The following HAUS2 variants were observed in gnomAD, a reference collection of about 807,000 sequenced individuals.
HAUS2 encodes HAUS augmin-like complex subunit 2.
HAUS2 carries 20 observed loss-of-function variants against 21.6 expected under a neutral mutation model. The ratio of observed to expected loss-of-function variants is 0.93; its 90% confidence interval spans 0.65 to 1.35. HAUS2 has a LOEUF of 1.35. Ranked by LOEUF, HAUS2 falls within the 40% of genes most tolerant of loss-of-function variation. The pLI is 0.00. For synonymous variants in HAUS2, 113 were observed against 95.6 expected (o/e 1.18, Z -1.06); for missense variants, 297 against 280.7 (o/e 1.06, Z -0.42).
intron 1 of HAUS2, among the ~76,000 whole-genome samples, chr15:42,550,981 C>CT (rs1474424000): frequency 6.9e-6 from 1 of 144,860 alleles, no homozygotes; most frequent in African/African-American, 2.5e-5. Flanking sequence ...CCTGTATTTT[C>CT]TTTTTCTTTT....
At chr15:42,556,877 C>T (rs549246542) in intron 1 of HAUS2, among the ~76,000 whole-genome samples, 1 of 150,634 alleles carries the variant, frequency 6.6e-6, no homozygotes, top group African/African-American at 2.4e-5. Context: ...ATTAGCTGGG[C>T]ATGGTGGCAG....
intron 4 of HAUS2, 84 bp from the exon 5 acceptor site, chr15:42,563,665 T>G: frequency 1.3e-6 from 1 of 760,318 alleles, no homozygotes; most frequent in Non-Finnish European, 2.4e-6. Flanking sequence ...TATCTCAAAT[T>G]AAAAGTCCTG....
intron 5 of HAUS2, among the ~76,000 whole-genome samples, chr15:42,565,399 GTGTGTGTGTGTGTGT>G (rs2057896545): frequency 9.6e-6 from 1 of 103,978 alleles, no homozygotes; most frequent in African/African-American, 6.5e-5. Context: ...GTGTGTGTGT[GTGTGTGTGTGTGTGT>G]GTGTGTGTGT....
In HAUS2 at chr15:42,566,857, A is replaced by T. The variant is rs1243896705; in HGVS notation, c.*41A>T. The T allele has an allele frequency of 1.1e-6, 1 of 949,364 alleles. No homozygotes were observed. The highest frequency in any genetic ancestry group is 1.3e-5 in the South Asian group (1 of 74,426). 58.8% of individuals were successfully genotyped at this position (949,364 alleles called of 1,614,324 possible). A position where few individuals can be genotyped will look rare whatever the true frequency, so the allele number is the denominator to read the frequency against. On this transcript the variant is annotated 3_prime_UTR_variant, in exon 6 of 6. Coordinates refer to ENST00000260372, the MANE Select transcript of HAUS2 (RefSeq NM_018097.3). The stretch of plus-strand genomic sequence containing the variant: ...TTGCTTAATTATGTGTAGTCATATG[A>T]AGTCTATTTCTAGTTGACTGTAACA...
intron 4 of HAUS2, chr15:42,561,690 A>G (rs978204481): frequency 3.5e-6 from 1 of 289,030 alleles, no homozygotes; most frequent in African/African-American, 2.2e-5. Flanking sequence ...TGTGAAGTAA[A>G]TTCATTGTTG....
chr15:42,565,157 A>G (rs1179815136), intron 5 of HAUS2, among the ~76,000 whole-genome samples: 2 of 152,100 alleles, frequency 1.3e-5, no homozygotes, highest in African/African-American at 4.8e-5. Flanking sequence ...AATCTTAAGG[A>G]ATAAGTGAAA....
chr15:42,553,245 A>G (rs576739202), intron 1 of HAUS2, among the ~76,000 whole-genome samples: 1 of 152,212 alleles, frequency 6.6e-6, no homozygotes, highest in Non-Finnish European at 1.5e-5. Context: ...TCGGCCTCCC[A>G]AAGTGCTGGG....
At chr15:42,552,434 A>C (rs2057735239) in intron 1 of HAUS2, among the ~76,000 whole-genome samples, 1 of 152,204 alleles carries the variant, frequency 6.6e-6, no homozygotes, top group Admixed American at 6.5e-5. Flanking sequence ...TTGTGCATTA[A>C]AAATTAAGAC....
rs1244330612 is a variant in HAUS2, at chr15:42,568,756, CAT to C, written c.*1941_*1942del. The C allele has an allele frequency of 6.6e-6, 1 of 152,194 alleles. No individual in the cohort carries two copies. The highest frequency in any genetic ancestry group is 2.4e-5 in the African/African-American group (1 of 41,442). 9.4% of individuals were successfully genotyped at this position (152,194 alleles called of 1,614,324 possible). A position where few individuals can be genotyped will look rare whatever the true frequency, so the allele number is the denominator to read the frequency against. ...TTTCCCTGGTAAACAACATTTCTCA[CAT>C]GTTGTCACAATTCAGTTGCTGGTGG... is the stretch of plus-strand genomic sequence containing the variant. On this transcript the variant is annotated 3_prime_UTR_variant, in exon 6 of 6. Coordinates refer to ENST00000260372, the MANE Select transcript of HAUS2 (RefSeq NM_018097.3).
At chr15:42,559,513 A>C (rs971545219) in intron 3 of HAUS2, 105 bp downstream of exon 3, 1 of 706,874 alleles carries the variant, frequency 1.4e-6, no homozygotes, top group Non-Finnish European at 2.6e-6. Flanking sequence ...TCATTTTTCC[A>C]GGTGTTGTCC....
chr15:42,555,297 T>A (rs2057761325), intron 1 of HAUS2, among the ~76,000 whole-genome samples: 1 of 151,990 alleles, frequency 6.6e-6, no homozygotes, highest in African/African-American at 2.4e-5. Context: ...CCTGGCTAAT[T>A]TTTTTAATTT....
intron 1 of HAUS2, among the ~76,000 whole-genome samples, chr15:42,550,299 A>G (rs538865847): frequency 9.9e-5 from 15 of 151,840 alleles, no homozygotes; most frequent in African/African-American, 3.4e-4. Flanking sequence ...AAAAAAAAAA[A>G]AAAGCACTAC....
chr15:42,560,198 C>T (rs898610913), intron 3 of HAUS2, among the ~76,000 whole-genome samples: 3 of 152,062 alleles, frequency 2.0e-5, no homozygotes, highest in East Asian at 1.9e-4. Flanking sequence ...TATTGGGATA[C>T]TTAGTGATGT....
chr15:42,563,102 G>T (rs1487008331), intron 4 of HAUS2, among the ~76,000 whole-genome samples: 1 of 140,774 alleles, frequency 7.1e-6, no homozygotes. Flanking sequence ...AACAGAGTCA[G>T]ACTCTGTCTC....
intron 1 of HAUS2, among the ~76,000 whole-genome samples, chr15:42,554,156 C>G (rs903461297): frequency 6.6e-6 from 1 of 152,130 alleles, no homozygotes; most frequent in African/African-American, 2.4e-5. Flanking sequence ...TTAACTGTTA[C>G]TGACCTAGTC....
intron 1 of HAUS2, among the ~76,000 whole-genome samples, chr15:42,554,577 G>C (rs187534877): frequency 2.3e-4 from 35 of 150,662 alleles, no homozygotes; most frequent in African/African-American, 8.5e-4. Flanking sequence ...TGCAGCCTCA[G>C]CCTCCTGGGC....
At chr15:42,560,109 C>T (rs536388631) in intron 3 of HAUS2, among the ~76,000 whole-genome samples, 49 of 152,212 alleles carry the variant, frequency 3.2e-4, no homozygotes, top group Non-Finnish European at 6.6e-4. Context: ...GAGTTGTGAT[C>T]GTAGCACTCC....
chr15:42,555,677 A>G (rs903796506), intron 1 of HAUS2, among the ~76,000 whole-genome samples: 66 of 152,270 alleles, frequency 4.3e-4, no homozygotes, highest in African/African-American at 1.5e-3. Context: ...ATCCATTATG[A>G]GCCTCATGAG....
Position 42,566,773 on chromosome 15 carries a change from CT to C in HAUS2, c.669del (p.Phe223LeufsTer33). ...YKHDIIMPPL[P>X]FTSKVHVQTI... ...CATGATATTATAATGCCTCCTTTACCTTTTACTTCTAAAGTTCATGTCCAAA... is the reference window on the plus strand; with the variant it reads ...CATGATATTATAATGCCTCCTTTACCTTTACTTCTAAAGTTCATGTCCAAA... On this transcript the variant is annotated frameshift_variant, in exon 6 of 6. Transcript: ENST00000260372. LOFTEE classifies it high-confidence loss of function. 2.6e-6 allele frequency: 4 copies of C among 1,556,316 alleles called. No homozygotes were observed. Among genetic ancestry groups the C allele is most frequent in the Non-Finnish European group, 3.5e-6 (4 of 1,127,650 alleles).
Sources: gnomAD v4.1 joint callset for allele counts (sites outside exome capture counted in the v4.1 genomes callset) on GRCh38, gnomAD v4.1.1 for gene constraint, MANE v1.5 for transcripts, NCBI Gene and HGNC (gene_info 2026-07-23, HGNC 2026-07-21) for gene names.